The following LUZP2 variants were observed in gnomAD, a reference collection of about 807,000 sequenced individuals.
LUZP2 encodes leucine zipper protein 2.
Under a neutral mutation model 51.6 loss-of-function variants are expected in LUZP2, and 52 were observed. The ratio of observed to expected loss-of-function variants is 1.01; its 90% CI spans 0.81 to 1.27. LUZP2 has a LOEUF of 1.27. LUZP2 is among the 50% of genes most tolerant of loss of function. The pLI, the probability that LUZP2 is intolerant of heterozygous loss-of-function variation, is 0.00. For synonymous variants in LUZP2, 154 were observed against 137.3 expected, an observed-to-expected ratio of 1.12 and a Z score of -0.85; for missense variants, 436 against 395.4, an observed-to-expected ratio of 1.10 and a Z score of -0.87.
intron 1 of LUZP2, among the ~76,000 whole-genome samples, chr11:24,630,812 G>A (rs145692743): frequency 1.2e-4 from 18 of 151,076 alleles, no homozygotes; most frequent in African/African-American, 4.1e-4. Context: ...TAATAAGATT[G>A]TTTCTTCTGA....
At chr11:24,790,164 A>G (rs1472371562) in intron 5 of LUZP2, among the ~76,000 whole-genome samples, 3 of 152,182 alleles carry the variant, frequency 2.0e-5, no homozygotes, top group African/African-American at 7.2e-5. Flanking sequence ...TCAGCACTCT[A>G]GCCTACATTG....
intron 4 of LUZP2, among the ~76,000 whole-genome samples, chr11:24,761,178 G>A (rs1053385273): frequency 4.7e-4 from 72 of 152,230 alleles, no homozygotes; most frequent in African/African-American, 1.6e-3. Flanking sequence ...AGGTTCCACA[G>A]GCTATACAGG....
rs557297534 is a variant in LUZP2 at position 24,647,692 on chromosome 11, ATTTGT to A, written c.63-81474_63-81470del. Among the ~76,000 whole-genome samples the A allele has an allele frequency of 5.3e-5, 8 of 151,902 alleles. No homozygotes were observed. The South Asian group carries it at 1.0e-3, about 20-fold the overall frequency. On this transcript the variant is annotated intron_variant, in intron 1 of 11. Coordinates refer to ENST00000336930, the MANE Select transcript of LUZP2 (RefSeq NM_001009909.4). ...GAATTATTGATCTGCTTATTTTTTGATTTGTTTAGTTTATCTCAAGGTTGATAGCC... is the reference window on the plus strand; with the variant it reads ...GAATTATTGATCTGCTTATTTTTTGATTAGTTTATCTCAAGGTTGATAGCC...
chr11:24,505,759 T>A (rs1398009922), intron 1 of LUZP2, among the ~76,000 whole-genome samples: 2 of 152,098 alleles, frequency 1.3e-5, no homozygotes, highest in African/African-American at 4.8e-5. Flanking sequence ...AAGCCAATTC[T>A]CTATTATCTT....
At chr11:24,868,402 GTTC>G (rs1248390518) in intron 5 of LUZP2, among the ~76,000 whole-genome samples, 1 of 151,962 alleles carries the variant, frequency 6.6e-6, no homozygotes, top group Non-Finnish European at 1.5e-5. Flanking sequence ...AAATAATATT[GTTC>G]TTTGTTAAAG....
At chr11:24,730,150 G>A (rs1453738720) in intron 2 of LUZP2, among the ~76,000 whole-genome samples, 1 of 151,670 alleles carries the variant, frequency 6.6e-6, no homozygotes, top group Non-Finnish European at 1.5e-5. Flanking sequence ...TGGTGGTGGT[G>A]GTGGTGGTGG....
At chr11:24,615,835 T>TTA (rs1854266242) in intron 1 of LUZP2, among the ~76,000 whole-genome samples, 2 of 150,598 alleles carry the variant, frequency 1.3e-5, no homozygotes, top group East Asian at 1.9e-4. Flanking sequence ...TATATATATA[T>TTA]TATATATATA....
At chr11:24,627,139 T>C (rs555319299) in intron 1 of LUZP2, among the ~76,000 whole-genome samples, 11 of 152,190 alleles carry the variant, frequency 7.2e-5, no homozygotes, top group Non-Finnish European at 1.3e-4. Flanking sequence ...ACACAGATAA[T>C]ACAGGGAGAT....
chr11:25,007,393 A>C (rs1213109319), intron 9 of LUZP2, among the ~76,000 whole-genome samples: 6 of 152,214 alleles, frequency 3.9e-5, no homozygotes, highest in Non-Finnish European at 8.8e-5. Context: ...ACTTGAGGTC[A>C]GGAGTTCAAG....
intron 1 of LUZP2, among the ~76,000 whole-genome samples, chr11:24,581,959 T>C (rs1005420246): frequency 2.6e-5 from 4 of 152,004 alleles, no homozygotes; most frequent in Non-Finnish European, 5.9e-5. Flanking sequence ...AAAGCCCACA[T>C]TGGTCCTCCT....
intron 10 of LUZP2, among the ~76,000 whole-genome samples, chr11:25,073,437 C>G (rs1809015): frequency 0.47 from 71,909 of 151,770 alleles, 17,701 homozygotes; most frequent in Non-Finnish European, 0.53. Context: ...CTCCGGAACA[C>G]ATTCCTTTGT....
At chr11:24,945,513 G>T (rs1311808644) in intron 7 of LUZP2, among the ~76,000 whole-genome samples, 4 of 123,024 alleles carry the variant, frequency 3.3e-5, no homozygotes, top group Non-Finnish European at 6.8e-5. Context: ...TTTCAAATTT[G>T]CCTGTTTTTT....
chr11:24,761,698 T>G (rs1859985496), intron 4 of LUZP2, among the ~76,000 whole-genome samples: 1 of 152,174 alleles, frequency 6.6e-6, no homozygotes, highest in Admixed American at 6.6e-5. Flanking sequence ...CCTTGATTAA[T>G]TTAGTAATTG....
chr11:24,850,176 T>C (rs1192331389), intron 5 of LUZP2, among the ~76,000 whole-genome samples: 3 of 152,214 alleles, frequency 2.0e-5, no homozygotes, highest in African/African-American at 7.2e-5. Context: ...GCTTTTGGTG[T>C]TTAATTCATG....
At chr11:25,038,220 A>T (rs1857924656) in intron 9 of LUZP2, among the ~76,000 whole-genome samples, 3 of 152,006 alleles carry the variant, frequency 2.0e-5, no homozygotes, top group African/African-American at 4.8e-5. Context: ...TCTTTAAAAA[A>T]TTTTTCTGTC....
chr11:24,665,916 CGTTT>C (rs1473951615), intron 1 of LUZP2, among the ~76,000 whole-genome samples: 3 of 151,930 alleles, frequency 2.0e-5, no homozygotes, highest in Admixed American at 2.0e-4. Context: ...TTTGTTAGCT[CGTTT>C]GTTTCCATTT....
chr11:24,958,678 G>A (rs1855288513), intron 7 of LUZP2, among the ~76,000 whole-genome samples: 1 of 151,980 alleles, frequency 6.6e-6, no homozygotes, highest in Non-Finnish European at 1.5e-5. Flanking sequence ...AGTAGGTTGT[G>A]AAAATTTTCT....
chr11:24,535,622 C>T (rs1461544792), intron 1 of LUZP2, among the ~76,000 whole-genome samples: 1 of 151,506 alleles, frequency 6.6e-6, no homozygotes, highest in Non-Finnish European at 1.5e-5. Context: ...TCTTTAGATT[C>T]CACTTCTAAT....
intron 5 of LUZP2, among the ~76,000 whole-genome samples, chr11:24,779,767 A>G (rs1398929509): frequency 1.3e-5 from 2 of 152,200 alleles, no homozygotes; most frequent in African/African-American, 4.8e-5. Context: ...TATCCTGGAT[A>G]ATTTCAGTAG....
Sources: allele counts gnomAD v4.1 joint callset (sites outside exome capture counted in the v4.1 genomes callset), GRCh38; gene constraint gnomAD v4.1.1; transcripts MANE v1.5; gene names NCBI Gene and HGNC (gene_info 2026-07-23, HGNC 2026-07-21).